The following ALOX5 variants were observed in gnomAD, a reference collection of about 807,000 sequenced individuals.
The protein encoded by ALOX5 is arachidonate 5-lipoxygenase, also known as polyunsaturated fatty acid 5-lipoxygenase.
ALOX5 carries 64 observed loss-of-function variants against 87.9 expected under a neutral mutation model. The ratio of observed to expected loss-of-function variants is 0.73; its 90% CI spans 0.60 to 0.90. The LOEUF (loss-of-function observed/expected upper bound fraction) is 0.90. Among genes scored for constraint, ALOX5 ranks in the 40% least tolerant of loss-of-function variants. The pLI is 0.00. For missense variants in ALOX5, 822 were observed against 907.5 expected, an observed-to-expected ratio of 0.91 and a Z score of 1.21; for synonymous variants, 388 against 355.1, an observed-to-expected ratio of 1.09 and a Z score of -1.04.
chr10:45,433,352 AG>A (rs1348477744), intron 7 of ALOX5, among the ~76,000 whole-genome samples: 1 of 152,220 alleles, frequency 6.6e-6, no homozygotes, highest in African/African-American at 2.4e-5. Flanking sequence ...GGGCGGTCAG[AG>A]GGTCCTGGGG....
chr10:45,443,589 T>TGGCCCCTCCGC (rs1255270055), intron 11 of ALOX5, 52 bp downstream of exon 11: 1 of 1,598,910 alleles, frequency 6.3e-7, no homozygotes. Flanking sequence ...TCGGCAGCGC[T>TGGCCCCTCCGC]GGCCCCTCCG....
intron 2 of ALOX5, among the ~76,000 whole-genome samples, chr10:45,392,048 C>T (rs983611839): frequency 1.1e-4 from 17 of 151,568 alleles, no homozygotes; most frequent in African/African-American, 3.9e-4. Context: ...GGGTTCAGCC[C>T]CCCGCCCGGC....
intron 1 of ALOX5, among the ~76,000 whole-genome samples, chr10:45,379,369 G>T (rs3780895): frequency 0.16 from 24,988 of 151,954 alleles, 2,093 homozygotes; most frequent in South Asian, 0.19. Context: ...TCTGGTGGCC[G>T]CCCCTCAGTC....
chr10:45,440,476 A>T lies in ALOX5; in HGVS notation c.1028A>T (p.Asp343Val). 1 of 1,614,200 alleles carries T rather than the reference A, an allele frequency of 6.2e-7. No homozygotes were observed. The highest frequency in any genetic ancestry group is 8.5e-7 in the Non-Finnish European group (1 of 1,180,034). ...GDENPIFLPS[D>V]AKYDWLLAKI... ...GAGAACCCTATTTTCCTCCCTTCGG[A>T]TGCAAAATACGACTGGCTTTTGGCC... Residue 343 changes from aspartate (D) to valine (V), a missense_variant, in exon 8 of 14, where the codon GAT (aspartate) becomes GTT (valine). Asp to Val is a radical substitution (Grantham distance 152). Coordinates refer to ENST00000374391, the MANE Select transcript of ALOX5 (RefSeq NM_000698.5).
intron 3 of ALOX5, among the ~76,000 whole-genome samples, chr10:45,406,130 G>C (rs2132744487): frequency 6.6e-6 from 1 of 152,262 alleles, no homozygotes; most frequent in South Asian, 2.1e-4. Context: ...TGTTTAATCT[G>C]TCTGTGCCTC....
At chr10:45,423,196 G>A (rs1265872259) in intron 4 of ALOX5, among the ~76,000 whole-genome samples, 1 of 152,226 alleles carries the variant, frequency 6.6e-6, no homozygotes, top group African/African-American at 2.4e-5. Context: ...AAGGCCCAAG[G>A]CAAAGGCCTG....
intron 3 of ALOX5, among the ~76,000 whole-genome samples, chr10:45,411,688 G>T (rs56071381): frequency 0.14 from 21,699 of 152,104 alleles, 1,719 homozygotes; most frequent in Non-Finnish European, 0.16. Context: ...ACCTGCTGCC[G>T]TGTCGTCCTA....
intron 2 of ALOX5, among the ~76,000 whole-genome samples, chr10:45,390,415 T>A (rs894172512): frequency 6.6e-6 from 1 of 152,234 alleles, no homozygotes; most frequent in Non-Finnish European, 1.5e-5. Context: ...ATCACACCTA[T>A]TCTGAAATTG....
chr10:45,394,024 T>C (rs1345668832), intron 2 of ALOX5, among the ~76,000 whole-genome samples: 3 of 152,162 alleles, frequency 2.0e-5, no homozygotes, highest in African/African-American at 7.2e-5. Context: ...AAAATGGCCA[T>C]ACTCCCAAGG....
At chr10:45,393,599 G>T (rs181244920) in intron 2 of ALOX5, among the ~76,000 whole-genome samples, 284 of 152,288 alleles carry the variant, frequency 1.9e-3, no homozygotes, top group South Asian at 7.9e-3. Flanking sequence ...GGAAGTTCTG[G>T]CCAGGGCAAT....
rs1457833986 is a variant in ALOX5 at position 45,425,894 on chromosome 10, G to C, written c.834+762G>C. ...CTTACCCTGAGGCCCTAGTTGGAGAGGGATGGTTGGTGCCCTTTAGAGATA... is the reference window on the plus strand; with the variant it reads ...CTTACCCTGAGGCCCTAGTTGGAGACGGATGGTTGGTGCCCTTTAGAGATA... On this transcript the variant is annotated intron_variant, in intron 6 of 13. Coordinates refer to ENST00000374391, the MANE Select transcript of ALOX5 (RefSeq NM_000698.5). This position sits in a 1 kb window ranked among gnomAD's most constrained non-coding sequence, Gnocchi z 4.4. 6.6e-6 allele frequency among the ~76,000 whole-genome samples: 1 copy of C among 152,196 alleles called. No individual in the cohort carries two copies. Among genetic ancestry groups the C allele is most frequent in the Non-Finnish European group, 1.5e-5 (1 of 68,028 alleles).
In ALOX5 at chr10:45,421,639, A is replaced by G. The variant is rs146915670; in HGVS notation, c.555-2402A>G. On this transcript the variant is annotated intron_variant, in intron 4 of 13. Transcript: ENST00000374391. The stretch of plus-strand genomic sequence containing the variant: ...AAGGCTGAAAGAAGCTTCTCTGGGT[A>G]TTCCAGTGCCTGGCTGCTGGTCGTA... Among the ~76,000 whole-genome samples the G allele has an allele frequency of 4.4e-4, 67 of 152,346 alleles. 1 individual carries two copies. The highest frequency in any genetic ancestry group is 2.2e-3 in the Admixed American group (33 of 15,304).
At chr10:45,412,447 A>G (rs1453559017) in intron 4 of ALOX5, 134 bp downstream of exon 4, 3 of 1,220,758 alleles carry the variant, frequency 2.5e-6, no homozygotes, top group Middle Eastern at 4.7e-4. Context: ...CTTTGATGAT[A>G]TGTTGGCCAT....
At chr10:45,428,852 G>A in intron 7 of ALOX5, 88 bp downstream of exon 7, 2 of 1,526,510 alleles carry the variant, frequency 1.3e-6, no homozygotes, top group South Asian at 2.4e-5. Flanking sequence ...CTCCAGCTGA[G>A]GAAGCTATGT....
At chr10:45,392,544 T>G (rs1462875595) in intron 2 of ALOX5, among the ~76,000 whole-genome samples, 2 of 151,676 alleles carry the variant, frequency 1.3e-5, no homozygotes, top group Non-Finnish European at 2.9e-5. Context: ...CTCCCTAATC[T>G]CAAGTACCCA....
At chr10:45,398,757 A>G (rs1589003586) in intron 3 of ALOX5, among the ~76,000 whole-genome samples, 2 of 152,374 alleles carry the variant, frequency 1.3e-5, no homozygotes, top group South Asian at 4.1e-4. Flanking sequence ...AATCAACACC[A>G]CAATGAGATA....
intron 7 of ALOX5, among the ~76,000 whole-genome samples, chr10:45,433,618 T>C (rs901751458): frequency 6.6e-6 from 1 of 152,178 alleles, no homozygotes; most frequent in African/African-American, 2.4e-5. Flanking sequence ...CATTAATCAA[T>C]ACATGGAGGG....
At chr10:45,428,523 G>A in intron 6 of ALOX5, 95 bp from the exon 7 acceptor site, 2 of 1,483,784 alleles carry the variant, frequency 1.3e-6, no homozygotes, top group Non-Finnish European at 1.9e-6. Flanking sequence ...GCAGGAAAGG[G>A]AGAGGGGTGC....
intron 2 of ALOX5, among the ~76,000 whole-genome samples, chr10:45,383,483 G>T (rs1839911680): frequency 6.6e-6 from 1 of 152,194 alleles, no homozygotes; most frequent in South Asian, 2.1e-4. Flanking sequence ...TTTAAACCTG[G>T]AAAGATAAGC....
Sources: gnomAD v4.1 joint callset for allele counts (sites outside exome capture counted in the v4.1 genomes callset) on GRCh38, gnomAD v4.1.1 for gene constraint, Gnocchi (gnomAD v3.1) non-coding constraint, MANE v1.5 for transcripts, NCBI Gene and HGNC (gene_info 2026-07-23, HGNC 2026-07-21) for gene names.